SLC4A10: variants seen among roughly 807,000 people sequenced by gnomAD.
SLC4A10 encodes the protein solute carrier family 4 member 10, also known as sodium-driven chloride bicarbonate exchanger.
In SLC4A10, 42 loss-of-function variants were observed where a neutral mutation model predicts 137.7. That is an observed-to-expected ratio of 0.30 (90% CI 0.24 to 0.39). The LOEUF is 0.39. Among genes scored for constraint, SLC4A10 ranks in the 10% least tolerant of loss-of-function variants. The pLI is 1.00. For missense variants in SLC4A10, 925 were observed against 1,355.0 expected (o/e 0.68, Z 4.98); for synonymous variants, 474 against 464.1 (o/e 1.02, Z -0.27).
At chr2:161,945,182 GTATA>G (rs56159201) in intron 16 of SLC4A10, among the ~76,000 whole-genome samples, 2,665 of 88,024 alleles carry the variant, frequency 0.03, 85 homozygotes, top group East Asian at 0.097. Context: ...AAGTTTGTGT[GTATA>G]TATATATATA....
intron 1 of SLC4A10, among the ~76,000 whole-genome samples, chr2:161,641,667 A>T (rs1234614166): frequency 2.0e-5 from 3 of 152,090 alleles, no homozygotes; most frequent in Non-Finnish European, 4.4e-5. Flanking sequence ...ACTAAACAAC[A>T]ACTTTCTGAC....
chr2:161,836,528 GAGAGAA>G lies in SLC4A10; in HGVS notation c.278-3257_278-3252del, dbSNP rs1314369756. 2.6e-4 allele frequency among the ~76,000 whole-genome samples: 22 copies of G among 83,720 alleles called. 1 individual carries two copies. In the South Asian group the frequency reaches 3.9e-3, roughly 15 times the overall value. 54.9% of individuals were successfully genotyped at this position (83,720 alleles called of 152,430 possible). On this transcript the variant is annotated intron_variant, in intron 3 of 26. Coordinates refer to ENST00000446997, the MANE Select transcript of SLC4A10 (RefSeq NM_001178015.2). ...AAAAAGAAAGAAAGAAAGAGAGAGAGAGAGAAAGAAAGAAAGAAAGAAAGAAAGAAA... is the reference window on the plus strand; with the variant it reads ...AAAAAGAAAGAAAGAAAGAGAGAGAGAGAAAGAAAGAAAGAAAGAAAGAAA...
intron 18 of SLC4A10, among the ~76,000 whole-genome samples, chr2:161,950,120 T>G (rs1235608374): frequency 6.6e-6 from 1 of 151,936 alleles, no homozygotes; most frequent in African/African-American, 2.4e-5. Flanking sequence ...TTTTTATCAT[T>G]TTCACTCAAT....
At chr2:161,846,275 T>G (rs955029463) in intron 4 of SLC4A10, among the ~76,000 whole-genome samples, 2 of 152,160 alleles carry the variant, frequency 1.3e-5, no homozygotes, top group African/African-American at 2.4e-5. Context: ...TCTGAGATAT[T>G]ACTGCATACC....
At chr2:161,804,654 A>C (rs1335062577) in intron 3 of SLC4A10, 59 bp downstream of exon 3, 2 of 1,481,304 alleles carry the variant, frequency 1.4e-6, no homozygotes, top group Non-Finnish European at 1.8e-6. Context: ...TTGCTTATAC[A>C]ATTATGATTA....
At chr2:161,774,306 A>G (rs1033514155) in intron 2 of SLC4A10, among the ~76,000 whole-genome samples, 1 of 151,954 alleles carries the variant, frequency 6.6e-6, no homozygotes, top group Non-Finnish European at 1.5e-5. Flanking sequence ...ATGTCAGATA[A>G]AACATAAGAT....
Position 161,729,067 on chromosome 2 carries a change from C to T in SLC4A10, c.49-41906C>T, listed in dbSNP as rs369931480. On this transcript the variant is annotated intron_variant, in intron 1 of 26. Transcript: ENST00000446997. ...ACTTCTTCAACCTGAAAGGGCACCC[C>T]TCAAAACCTACAGTTAATGTAACAC... is the stretch of plus-strand genomic sequence containing the variant. Among the ~76,000 whole-genome samples, 16 of 152,142 alleles carry T rather than the reference C, an allele frequency of 1.1e-4. No individual in the cohort carries two copies. The East Asian group carries it at 2.1e-3, about 20-fold the overall frequency.
Position 161,977,756 on chromosome 2 carries a change from CA to C in SLC4A10, c.*25del, listed in dbSNP as rs745968176. Reference sequence around the variant, plus strand: ...CTAATCACTCTAGAAGCTGATTCCCCAAAGGTAAGACCCTCTCCCTCAAATC... The same window carrying C: ...CTAATCACTCTAGAAGCTGATTCCCCAAGGTAAGACCCTCTCCCTCAAATC... On this transcript the variant is annotated 3_prime_UTR_variant, in exon 26 of 27. Transcript: ENST00000446997. 5.6e-6 allele frequency: 9 copies of C among 1,593,928 alleles called. No homozygotes were observed. Among genetic ancestry groups the C allele is most frequent in the Non-Finnish European group, 6.8e-6 (8 of 1,172,602 alleles).
At chr2:161,741,706 T>C (rs2047916936) in intron 1 of SLC4A10, among the ~76,000 whole-genome samples, 2 of 152,174 alleles carry the variant, frequency 1.3e-5, no homozygotes, top group Admixed American at 6.5e-5. Flanking sequence ...ATAATAGGTG[T>C]ATATATTTAT....
chr2:161,797,364 C>T (rs2054881742), intron 2 of SLC4A10, among the ~76,000 whole-genome samples: 1 of 152,042 alleles, frequency 6.6e-6, no homozygotes, highest in Non-Finnish European at 1.5e-5. Context: ...TCACTGATTG[C>T]CCAGGTTATC....
chr2:161,819,768 A>C (rs2057456514), intron 3 of SLC4A10, among the ~76,000 whole-genome samples: 1 of 152,162 alleles, frequency 6.6e-6, no homozygotes, highest in Non-Finnish European at 1.5e-5. Flanking sequence ...TGCTGGGATT[A>C]CAGGAATGAG....
At chr2:161,788,900 G>A (rs2053917039) in intron 2 of SLC4A10, among the ~76,000 whole-genome samples, 1 of 152,182 alleles carries the variant, frequency 6.6e-6, no homozygotes, top group African/African-American at 2.4e-5. Context: ...GCCCTCATCA[G>A]GAAAAGCCTC....
chr2:161,749,574 G>A (rs1474793284), intron 1 of SLC4A10, among the ~76,000 whole-genome samples: 1 of 151,698 alleles, frequency 6.6e-6, no homozygotes, highest in African/African-American at 2.4e-5. Context: ...ATCTGCATTG[G>A]TTAAACCACC....
chr2:161,624,719 C>T (rs2031914870), intron 1 of SLC4A10, among the ~76,000 whole-genome samples, 153 bp downstream of exon 1: 1 of 151,958 alleles, frequency 6.6e-6, no homozygotes, highest in African/African-American at 2.4e-5. Context: ...TCTTGGGAGA[C>T]TGAAATGCAT....
At chr2:161,890,583 C>G (rs1174584176) in intron 10 of SLC4A10, among the ~76,000 whole-genome samples, 1 of 151,944 alleles carries the variant, frequency 6.6e-6, no homozygotes, top group Non-Finnish European at 1.5e-5. Flanking sequence ...TGGTTTAAAG[C>G]CTGTTTTATT....
At chr2:161,670,191 G>A (rs1041883356) in intron 1 of SLC4A10, among the ~76,000 whole-genome samples, 15 of 151,968 alleles carry the variant, frequency 9.9e-5, no homozygotes, top group Middle Eastern at 3.4e-3. Flanking sequence ...CCCAGTATCC[G>A]ATTTGCTGAG....
chr2:161,701,945 A>C (rs2043164806), intron 1 of SLC4A10, among the ~76,000 whole-genome samples: 1 of 152,002 alleles, frequency 6.6e-6, no homozygotes, highest in Non-Finnish European at 1.5e-5. Flanking sequence ...ATGCTGGTAC[A>C]CTGTAAGTAG....
intron 15 of SLC4A10, among the ~76,000 whole-genome samples, chr2:161,939,263 G>C (rs1457406597): frequency 6.6e-6 from 1 of 152,030 alleles, no homozygotes; most frequent in African/African-American, 2.4e-5. Context: ...TTTTAGTAGA[G>C]ATGGGGTTTC....
intron 3 of SLC4A10, among the ~76,000 whole-genome samples, chr2:161,836,282 G>T (rs2058759635): frequency 6.6e-6 from 1 of 152,160 alleles, no homozygotes; most frequent in Non-Finnish European, 1.5e-5. Flanking sequence ...CAGATCACTT[G>T]AGGTCAGGAG....
Sources: gnomAD v4.1 joint callset for allele counts (sites outside exome capture counted in the v4.1 genomes callset) on GRCh38, gnomAD v4.1.1 for gene constraint, MANE v1.5 for transcripts, NCBI Gene and HGNC (gene_info 2026-07-23, HGNC 2026-07-21) for gene names.